Variants in RAB40C observed in about 807,000 individuals in gnomAD.
RAB40C encodes the protein RAB40C, member RAS oncogene family.
A neutral mutation model predicts 28.1 loss-of-function variants in RAB40C; 8 were observed. The ratio of observed to expected loss-of-function variants is 0.28; its 90% CI spans 0.17 to 0.51. The LOEUF is 0.51. Among genes scored for constraint, RAB40C ranks in the 20% least tolerant of loss-of-function variants. The probability of loss-of-function intolerance (pLI) is 0.97; values close to 1 mark genes in which losing one functional copy is unlikely to be tolerated. For synonymous variants in RAB40C, 201 were observed against 171.7 expected (o/e 1.17, Z -1.34); for missense variants, 288 against 405.9 (o/e 0.71, Z 2.50).
At chr16:626,526 T>C (rs2036839031) in intron 5 of RAB40C, among the ~76,000 whole-genome samples, 1 of 151,952 alleles carries the variant, frequency 6.6e-6, no homozygotes, top group African/African-American at 2.4e-5. Flanking sequence ...ACATCCTTGA[T>C]CAGAGGCTCC....
At position 621,920 on chromosome 16, in the gene RAB40C, C is replaced by T. The variant is rs201158627; in HGVS notation, c.265-3512C>T. ...GCTGGCTTGTCGGCACACAGGTGGG[C>T]GGGTGGATGTGAGTGGGCGCGGCTT... On this transcript the variant is annotated intron_variant, in intron 3 of 5. Transcript: ENST00000248139. Among the ~76,000 whole-genome samples the T allele has an allele frequency of 8.5e-5, 13 of 152,176 alleles. No homozygotes were observed. In the East Asian group the frequency reaches 1.7e-3, roughly 20 times the overall value.
At chr16:603,920 T>C (rs2036305449) in intron 1 of RAB40C, among the ~76,000 whole-genome samples, 1 of 152,262 alleles carries the variant, frequency 6.6e-6, no homozygotes, top group East Asian at 1.9e-4. Context: ...TCTTCTTTTT[T>C]TGTTCCCAAG....
chr16:616,086 C>T (rs1293464710), intron 1 of RAB40C, among the ~76,000 whole-genome samples: 3 of 151,856 alleles, frequency 2.0e-5, no homozygotes, highest in Non-Finnish European at 2.9e-5. Context: ...TGAAACCCCA[C>T]CTCTACTAAA....
intron 1 of RAB40C, among the ~76,000 whole-genome samples, chr16:613,665 C>T (rs1278691896): frequency 6.6e-6 from 1 of 152,164 alleles, no homozygotes; most frequent in African/African-American, 2.4e-5. Flanking sequence ...GTCCTTTGCC[C>T]TTTTTTTAAA....
At chr16:624,230 GGCTGTGTTGTAC>G in intron 3 of RAB40C, 1 of 985,398 alleles carries the variant, frequency 1.0e-6, no homozygotes, top group Middle Eastern at 5.2e-4. Flanking sequence ...AGGGAGAGTG[GGCTGTGTTGTAC>G]GCTTTGGTGG....
intron 1 of RAB40C, among the ~76,000 whole-genome samples, chr16:602,462 T>C (rs552332330): frequency 2.1e-4 from 32 of 152,136 alleles, no homozygotes; most frequent in South Asian, 4.2e-4. Context: ...GACAAAGTCT[T>C]GCTCTTGTCC....
intron 1 of RAB40C, among the ~76,000 whole-genome samples, chr16:615,414 G>A (rs777773126): frequency 6.6e-6 from 1 of 152,162 alleles, no homozygotes; most frequent in African/African-American, 2.4e-5. Flanking sequence ...CCGTGGGAGG[G>A]CGTCGCTTAT....
At chr16:607,178 G>A (rs558640338) in intron 1 of RAB40C, among the ~76,000 whole-genome samples, 1 of 152,330 alleles carries the variant, frequency 6.6e-6, no homozygotes, top group South Asian at 2.1e-4. Flanking sequence ...CCACTCCCCA[G>A]ACCACCAGCA....
intron 3 of RAB40C, among the ~76,000 whole-genome samples, chr16:620,836 C>T (rs980806514): frequency 3.3e-5 from 5 of 151,648 alleles, no homozygotes; most frequent in Non-Finnish European, 7.4e-5. Flanking sequence ...GCCACCCCCC[C>T]CGACGGGCTC....
rs149195145 is a variant in RAB40C at position 625,985 on chromosome 16, G to A, written c.429G>A (p.Ala143=). 7.9e-3 allele frequency: 12,792 copies of A among 1,613,192 alleles called. 62 individuals carry two copies. The highest frequency in any genetic ancestry group is 0.016 in the Middle Eastern group (99 of 6,062). ...AGGTCCCGACGGAGCAGGCCCGCGC[G>A]TACGCAGAGAAGAACTGCATGACCT... ...KRQVPTEQAR[A]YAEKNCMTFF... Residue 143 remains alanine, a synonymous_variant, in exon 5 of 6, where the codon GCG becomes GCA. Transcript: ENST00000248139.
At chr16:608,388 T>C (rs1227417414) in intron 1 of RAB40C, among the ~76,000 whole-genome samples, 1 of 152,184 alleles carries the variant, frequency 6.6e-6, no homozygotes, top group African/African-American at 2.4e-5. Context: ...CCAAATCTTA[T>C]CACTCCTGAG....
chr16:626,135 C>A lies in RAB40C; in HGVS notation c.565+14C>A, dbSNP rs765666657. On this transcript the variant is annotated intron_variant, in intron 5 of 5. Transcript: ENST00000248139. ...GGCCCAACCGAGGTGGGTGGGCGGG[C>A]GCCGGCCAGCCCTGAGGTCCCCGAA... 4 of 1,604,674 alleles carry A rather than the reference C, an allele frequency of 2.5e-6. No individual in the cohort carries two copies. Among genetic ancestry groups the A allele is most frequent in the Non-Finnish European group, 3.4e-6 (4 of 1,173,218 alleles).
In RAB40C at chr16:620,626, C is replaced by T. The variant is rs1316805853; in HGVS notation, c.264+2366C>T. ...CCACTGCGGGCATCCCAGCCCCCCC[C>T]GACGGGCTCCACCGCGGGCATCCCA... On this transcript the variant is annotated intron_variant, in intron 3 of 5. Transcript: ENST00000248139. 8.7e-4 allele frequency among the ~76,000 whole-genome samples: 118 copies of T among 135,906 alleles called. 1 individual carries two copies. The highest frequency in any genetic ancestry group is 1.6e-3 in the Non-Finnish European group (98 of 62,990). 89.2% of individuals were successfully genotyped at this position (135,906 alleles called of 152,430 possible).
intron 1 of RAB40C, among the ~76,000 whole-genome samples, chr16:597,145 G>A (rs1309024630): frequency 3.9e-5 from 6 of 152,118 alleles, no homozygotes; most frequent in Admixed American, 3.9e-4. Context: ...GGGCTCAGGA[G>A]CAGCCAGGTT....
chr16:607,723 G>A (rs535453455), intron 1 of RAB40C, among the ~76,000 whole-genome samples: 35 of 152,170 alleles, frequency 2.3e-4, no homozygotes, highest in Non-Finnish European at 4.1e-4. Flanking sequence ...CCCAGAAGGC[G>A]GAGCTTGCAG....
At chr16:603,123 A>C (rs1303018569) in intron 1 of RAB40C, among the ~76,000 whole-genome samples, 1 of 152,166 alleles carries the variant, frequency 6.6e-6, no homozygotes, top group African/African-American at 2.4e-5. Flanking sequence ...TTCTGTGTTT[A>C]GCCAGGTGTT....
At chr16:595,514 G>A (rs1364286081) in intron 1 of RAB40C, among the ~76,000 whole-genome samples, 3 of 152,120 alleles carry the variant, frequency 2.0e-5, no homozygotes, top group Non-Finnish European at 4.4e-5. Flanking sequence ...TCAGAGGACC[G>A]CCTCAGGCCC....
At chr16:607,047 A>G (rs2036374043) in intron 1 of RAB40C, among the ~76,000 whole-genome samples, 2 of 152,140 alleles carry the variant, frequency 1.3e-5, no homozygotes, top group African/African-American at 4.8e-5. Flanking sequence ...CGAGGGTCCC[A>G]CTTCCGAGCC....
At chr16:624,668 GGGTGGATCACAGCTCATTGGCT>G in intron 3 of RAB40C, 5 of 985,494 alleles carry the variant, frequency 5.1e-6, no homozygotes, top group Non-Finnish European at 6.0e-6. Context: ...CCTAGGAGTA[GGGTGGATCACAGCTCATTGGCT>G]GGATCTGGTT....
Sources: gnomAD v4.1 joint callset for allele counts (sites outside exome capture counted in the v4.1 genomes callset) on GRCh38, gnomAD v4.1.1 for gene constraint, MANE v1.5 for transcripts, NCBI Gene and HGNC (gene_info 2026-07-23, HGNC 2026-07-21) for gene names.